SLC24A4: variants seen among roughly 807,000 people sequenced by gnomAD.
SLC24A4 encodes the protein sodium/potassium/calcium exchanger 4.
In SLC24A4, 53 loss-of-function variants were observed where a neutral mutation model predicts 79.0. That is an observed-to-expected ratio of 0.67 (90% confidence interval 0.54 to 0.84). The LOEUF is 0.84. SLC24A4 is among the 40% of genes least tolerant of loss of function. The pLI is 0.00. For synonymous variants in SLC24A4, 323 were observed against 323.8 expected (o/e 1.00, Z 0.03); for missense variants, 731 against 822.0 (o/e 0.89, Z 1.35).
At chr14:92,409,188 G>A (rs1890566574) in intron 2 of SLC24A4, among the ~76,000 whole-genome samples, 1 of 152,162 alleles carries the variant, frequency 6.6e-6, no homozygotes. Context: ...CTGGGTCTCC[G>A]AGGCCAGGAA....
In SLC24A4 at chr14:92,353,943, G is replaced by C. The variant is rs966651836; in HGVS notation, c.241+27965G>C. On this transcript the variant is annotated intron_variant, in intron 2 of 16. Transcript: ENST00000532405. The surrounding 1 kb of genome is among the most constrained non-coding windows in gnomAD (Gnocchi z 4.1). ...GCCCAGAGAGCAGGAGAGTTGATGG[G>C]CTGACCCCGTGCTGGAGTCACCTCG... Among the ~76,000 whole-genome samples the C allele has an allele frequency of 6.6e-6, 1 of 152,208 alleles. No individual in the cohort carries two copies. Among genetic ancestry groups the C allele is most frequent in the African/African-American group, 2.4e-5 (1 of 41,444 alleles).
At chr14:92,350,628 G>A (rs2141641921) in intron 2 of SLC24A4, among the ~76,000 whole-genome samples, 1 of 152,284 alleles carries the variant, frequency 6.6e-6, no homozygotes, top group Admixed American at 6.5e-5. Context: ...TAATCCATGA[G>A]AGTCCATTTC....
At chr14:92,449,816 T>C (rs1893034569) in intron 10 of SLC24A4, among the ~76,000 whole-genome samples, 1 of 152,186 alleles carries the variant, frequency 6.6e-6, no homozygotes. Flanking sequence ...CAGCCTCGTC[T>C]CCCCAGCGGC....
intron 2 of SLC24A4, among the ~76,000 whole-genome samples, chr14:92,382,405 G>A (rs1888906668): frequency 1.3e-5 from 2 of 152,152 alleles, no homozygotes; most frequent in African/African-American, 4.8e-5. Flanking sequence ...GATAATGGTA[G>A]TCTCTGTCTC....
At chr14:92,332,138 C>T (rs1885515749) in intron 2 of SLC24A4, among the ~76,000 whole-genome samples, 1 of 151,946 alleles carries the variant, frequency 6.6e-6, no homozygotes, top group Non-Finnish European at 1.5e-5. Context: ...AAAAATTAGC[C>T]AGGCATCATG....
rs146011549 is a variant in SLC24A4 at position 92,324,590 on chromosome 14, G to C, written c.130+630G>C. Among the ~76,000 whole-genome samples, 406 of 152,338 alleles carry C rather than the reference G, an allele frequency of 2.7e-3. 3 individuals are homozygous for C. The highest frequency in any genetic ancestry group is 9.5e-3 in the African/African-American group (395 of 41,576). Reference sequence around the variant, plus strand: ...GGGATTTGGGAGTAGCTTAGGCTATGCAAATTTCAGGTGGAGCGGGAAGAG... The same window carrying C: ...GGGATTTGGGAGTAGCTTAGGCTATCCAAATTTCAGGTGGAGCGGGAAGAG... On this transcript the variant is annotated intron_variant, in intron 1 of 16. Coordinates refer to ENST00000532405, the MANE Select transcript of SLC24A4 (RefSeq NM_153646.4).
At position 92,353,866 on chromosome 14, in the gene SLC24A4, C is replaced by T. The variant is rs892578768; in HGVS notation, c.241+27888C>T. On this transcript the variant is annotated intron_variant, in intron 2 of 16. Coordinates refer to ENST00000532405, the MANE Select transcript of SLC24A4 (RefSeq NM_153646.4). The surrounding 1 kb of genome is among the most constrained non-coding windows in gnomAD (Gnocchi z 4.1). The stretch of plus-strand genomic sequence containing the variant: ...CTGTAGCAGAGCATAACTTCAGCTC[C>T]CCTGTCCCAGCTGCCTGTGCCGCCA... Among the ~76,000 whole-genome samples the T allele has an allele frequency of 8.5e-5, 13 of 152,218 alleles. No homozygotes were observed. Among genetic ancestry groups the T allele is most frequent in the African/African-American group, 3.1e-4 (13 of 41,466 alleles).
intron 12 of SLC24A4, among the ~76,000 whole-genome samples, chr14:92,475,266 C>T (rs758811580): frequency 5.9e-5 from 9 of 152,094 alleles, no homozygotes; most frequent in South Asian, 2.1e-4. Context: ...TTGGGCACTG[C>T]GCTTCAAAAT....
intron 2 of SLC24A4, among the ~76,000 whole-genome samples, chr14:92,351,507 A>C (rs960692098): frequency 6.6e-6 from 1 of 152,248 alleles, no homozygotes. Context: ...CCTCCACTAA[A>C]TGAGCAAGAC....
At position 92,449,128 on chromosome 14, in the gene SLC24A4, C is replaced by T. The variant is rs143175799; in HGVS notation, c.792C>T (p.Asn264=). 6.2e-5 allele frequency: 100 copies of T among 1,614,074 alleles called. No homozygotes were observed. In the Middle Eastern group the frequency reaches 6.6e-4, roughly 11 times the overall value. ...FFTVKQKSIA[N]GNPVNSELEA... ...CAGTCAAACAAAAGAGCATTGCAAA[C>T]GGTAACCCGGTCAACAGTGAGCTGG... Residue 264 remains asparagine (N), a synonymous_variant, in exon 10 of 17, where the codon AAC becomes AAT. Transcript: ENST00000532405.
chr14:92,341,832 T>C (rs1208615353), intron 2 of SLC24A4, among the ~76,000 whole-genome samples: 3 of 152,244 alleles, frequency 2.0e-5, no homozygotes, highest in Admixed American at 6.5e-5. Flanking sequence ...TTGCATCTTT[T>C]CGTTCTCTAA....
chr14:92,410,658 A>G (rs1890660433), intron 2 of SLC24A4, among the ~76,000 whole-genome samples: 2 of 152,164 alleles, frequency 1.3e-5, no homozygotes, highest in African/African-American at 4.8e-5. Flanking sequence ...TCTTCTGAAC[A>G]ATTCTAAGAG....
At chr14:92,385,985 G>A (rs999859937) in intron 2 of SLC24A4, among the ~76,000 whole-genome samples, 4 of 152,154 alleles carry the variant, frequency 2.6e-5, no homozygotes, top group African/African-American at 9.7e-5. Context: ...TGGATGGCTC[G>A]ATCGCAGGTT....
intron 3 of SLC24A4, among the ~76,000 whole-genome samples, chr14:92,438,728 TTCAGCTA>T (rs1892321319): frequency 6.6e-6 from 1 of 152,206 alleles, no homozygotes; most frequent in Non-Finnish European, 1.5e-5. Context: ...CCTCCATGTG[TTCAGCTA>T]TCAGGGAAAC....
chr14:92,352,701 C>T (rs139585365), intron 2 of SLC24A4, among the ~76,000 whole-genome samples: 1 of 152,342 alleles, frequency 6.6e-6, no homozygotes, highest in East Asian at 1.9e-4. Context: ...GTTTCTCCAT[C>T]TGCCAAAAGT....
chr14:92,493,352 C>T (rs1278640535), intron 16 of SLC24A4, 124 bp from the exon 17 acceptor site: 13 of 1,191,668 alleles, frequency 1.1e-5, no homozygotes, highest in East Asian at 2.5e-5. Flanking sequence ...TGCAGCACCC[C>T]GCTACACTTG....
chr14:92,412,532 G>GT (rs1303064251), intron 2 of SLC24A4, among the ~76,000 whole-genome samples: 1 of 152,162 alleles, frequency 6.6e-6, no homozygotes, highest in African/African-American at 2.4e-5. Context: ...TGGGCACAGG[G>GT]TGTGTGGCCA....
chr14:92,349,708 A>G (rs1428139406), intron 2 of SLC24A4, among the ~76,000 whole-genome samples: 1 of 152,236 alleles, frequency 6.6e-6, no homozygotes. Context: ...TGCTGTAGGC[A>G]TTTTAAAATA....
intron 2 of SLC24A4, among the ~76,000 whole-genome samples, chr14:92,400,209 G>A (rs1298047297): frequency 6.6e-6 from 1 of 152,150 alleles, no homozygotes; most frequent in African/African-American, 2.4e-5. Context: ...GGGAGGCCAA[G>A]GCGGGCAGAT....
Sources: gnomAD v4.1 joint callset for allele counts (sites outside exome capture counted in the v4.1 genomes callset) on GRCh38, gnomAD v4.1.1 for gene constraint, Gnocchi (gnomAD v3.1) non-coding constraint, MANE v1.5 for transcripts, NCBI Gene and HGNC (gene_info 2026-07-23, HGNC 2026-07-21) for gene names.